Variants in NTAQ1 observed in about 807,000 individuals in gnomAD.
NTAQ1 encodes the protein protein N-terminal glutamine amidohydrolase.
Under a neutral mutation model 28.2 loss-of-function variants are expected in NTAQ1, and 21 were observed. That is an observed-to-expected ratio of 0.74 (90% CI 0.53 to 1.07). The LOEUF (loss-of-function observed/expected upper bound fraction) is 1.07. Among genes scored for constraint, NTAQ1 ranks in the 50% least tolerant of loss-of-function variants. The probability of loss-of-function intolerance (pLI) is 0.00; values close to 1 mark genes in which losing one functional copy is unlikely to be tolerated. For missense variants in NTAQ1, 264 were observed against 256.6 expected, an observed-to-expected ratio of 1.03 and a Z score of -0.20; for synonymous variants, 105 against 90.0, an observed-to-expected ratio of 1.17 and a Z score of -0.94.
At chr8:123,459,058 C>T (rs1815740769) in intron 6 of NTAQ1, among the ~76,000 whole-genome samples, 1 of 151,512 alleles carries the variant, frequency 6.6e-6, no homozygotes, top group South Asian at 2.1e-4. Flanking sequence ...AGCCTGGCAA[C>T]AGAGTGAGAC....
At chr8:123,447,853 G>C (rs182355578) in intron 6 of NTAQ1, among the ~76,000 whole-genome samples, 16 of 152,320 alleles carry the variant, frequency 1.1e-4, no homozygotes, top group African/African-American at 3.8e-4. Context: ...GTAGTTTGCT[G>C]TCCCTTGTTC....
downstream of NTAQ1, among the ~76,000 whole-genome samples, chr8:123,452,936 T>C (rs1417262612): frequency 6.6e-6 from 1 of 152,130 alleles, no homozygotes; most frequent in Non-Finnish European, 1.5e-5. Context: ...ATTGCATCCA[T>C]TTATTATCAA....
chr8:123,443,231 G>A (rs1167322967), downstream of NTAQ1, among the ~76,000 whole-genome samples: 2 of 150,684 alleles, frequency 1.3e-5, no homozygotes, highest in Non-Finnish European at 3.0e-5. Context: ...TGCTAACTAG[G>A]CTGGTATCAA....
downstream of NTAQ1, among the ~76,000 whole-genome samples, chr8:123,449,676 T>G (rs1815412177): frequency 6.6e-6 from 1 of 151,474 alleles, no homozygotes; most frequent in Non-Finnish European, 1.5e-5. Context: ...TGGAGTAATT[T>G]TGGGGAGGAA....
At chr8:123,461,615 A>G (rs754864292) in intron 6 of NTAQ1, among the ~76,000 whole-genome samples, 2 of 152,108 alleles carry the variant, frequency 1.3e-5, no homozygotes, top group Non-Finnish European at 1.5e-5. Flanking sequence ...GTCCTTTCAC[A>G]TGTTGGGCTT....
intron 3 of NTAQ1, among the ~76,000 whole-genome samples, chr8:123,432,785 A>G (rs1192404615): frequency 2.0e-5 from 3 of 151,810 alleles, no homozygotes; most frequent in East Asian, 2.0e-4. Context: ...GGTTTAAGCA[A>G]TTCCTCTGCC....
downstream of NTAQ1, among the ~76,000 whole-genome samples, chr8:123,450,529 C>T (rs1045628004): frequency 7.3e-6 from 1 of 136,540 alleles, no homozygotes; most frequent in Non-Finnish European, 1.6e-5. Context: ...CCCATTTCTG[C>T]CCCTCCAAGG....
chr8:123,472,267 G>A (rs914320750), downstream of NTAQ1, among the ~76,000 whole-genome samples: 1 of 152,132 alleles, frequency 6.6e-6, no homozygotes, highest in Non-Finnish European at 1.5e-5. Context: ...AAGCAGAGTG[G>A]GTGAAATGGC....
downstream of NTAQ1, among the ~76,000 whole-genome samples, chr8:123,445,750 C>T (rs952345302): frequency 6.6e-6 from 1 of 151,232 alleles, no homozygotes. Flanking sequence ...GGATTACAGG[C>T]GTGCACCACC....
chr8:123,474,211 G>A (rs1018861629), downstream of NTAQ1, among the ~76,000 whole-genome samples: 1 of 152,044 alleles, frequency 6.6e-6, no homozygotes, highest in African/African-American at 2.4e-5. Context: ...TCCCATTAAC[G>A]GTTTTTTCTG....
intron 5 of NTAQ1, among the ~76,000 whole-genome samples, chr8:123,439,884 G>A (rs566989730): frequency 9.3e-4 from 141 of 151,998 alleles, no homozygotes; most frequent in Admixed American, 3.7e-3. Flanking sequence ...AATCTGGGAG[G>A]TGGAGGTCGC....
chr8:123,426,136 G>C (rs1490101459), intron 1 of NTAQ1, among the ~76,000 whole-genome samples: 2 of 152,312 alleles, frequency 1.3e-5, no homozygotes, highest in East Asian at 3.9e-4. Flanking sequence ...ACTAGAAAAA[G>C]ATAGGAACCC....
At chr8:123,459,956 A>G (rs1016460218) in intron 6 of NTAQ1, among the ~76,000 whole-genome samples, 6 of 152,004 alleles carry the variant, frequency 3.9e-5, no homozygotes, top group South Asian at 4.2e-4. Context: ...ATGCGCCACC[A>G]TGCCTGGGTA....
chr8:123,464,479 G>C (rs1347540001), intron 6 of NTAQ1, among the ~76,000 whole-genome samples: 1 of 152,180 alleles, frequency 6.6e-6, no homozygotes, highest in Non-Finnish European at 1.5e-5. Flanking sequence ...TGAGGAGGAG[G>C]AAGGGTAGAG....
At chr8:123,445,655 G>C (rs1345169871), downstream of NTAQ1, among the ~76,000 whole-genome samples, 1 of 152,124 alleles carries the variant, frequency 6.6e-6, no homozygotes, top group Non-Finnish European at 1.5e-5. Flanking sequence ...GCCCAGGTTG[G>C]AGTGCAGTGT....
downstream of NTAQ1, among the ~76,000 whole-genome samples, chr8:123,442,502 G>T (rs183503268): frequency 2.4e-3 from 361 of 151,100 alleles, no homozygotes; most frequent in African/African-American, 8.3e-3. Context: ...GGAGGCTGAG[G>T]CAGAATTGCT....
At chr8:123,431,848 G>A (rs895558195) in intron 3 of NTAQ1, among the ~76,000 whole-genome samples, 1 of 152,228 alleles carries the variant, frequency 6.6e-6, no homozygotes, top group Non-Finnish European at 1.5e-5. Context: ...GGCAGTTACT[G>A]TTAGCAGTGA....
intron 2 of NTAQ1, 73 bp downstream of exon 2, chr8:123,428,096 A>AAG (rs10628888): frequency 0.42 from 409,404 of 985,048 alleles, 49,884 homozygotes; most frequent in East Asian, 0.55. Context: ...TAAAAAAAAA[A>AAG]AAGCTAAATA....
chr8:123,437,091 C>A, intron 4 of NTAQ1, 119 bp from the exon 5 acceptor site: 1 of 1,331,228 alleles, frequency 7.5e-7, no homozygotes, highest in Non-Finnish European at 1.0e-6. Context: ...TATTACTAAC[C>A]ATACAGAAAT....
Sources: gnomAD v4.1 joint callset for allele counts (sites outside exome capture counted in the v4.1 genomes callset) on GRCh38, gnomAD v4.1.1 for gene constraint, MANE v1.5 for transcripts, NCBI Gene and HGNC (gene_info 2026-07-23, HGNC 2026-07-21) for gene names.